The following SLCO2A1 variants were observed in gnomAD, a reference collection of about 807,000 sequenced individuals.
SLCO2A1 encodes solute carrier organic anion transporter family member 2A1.
A neutral mutation model predicts 71.7 loss-of-function variants in SLCO2A1; 60 were observed. The observed-to-expected ratio is 0.84, with a 90% CI of 0.68 to 1.04. The LOEUF (loss-of-function observed/expected upper bound fraction) is 1.04, where lower values mean the gene tolerates loss of function less well. SLCO2A1 is among the 50% of genes least tolerant of loss of function. SLCO2A1 has a pLI of 0.00. For synonymous variants in SLCO2A1, 308 were observed against 326.7 expected, an observed-to-expected ratio of 0.94 and a Z score of 0.62; for missense variants, 745 against 813.4, an observed-to-expected ratio of 0.92 and a Z score of 1.02.
At chr3:133,979,639 C>T (rs762693934) in intron 1 of SLCO2A1, 21 bp from the exon 2 acceptor site, 2 of 1,583,466 alleles carry the variant, frequency 1.3e-6, no homozygotes, top group Non-Finnish European at 1.7e-6. Context: ...AGTGATGGGC[C>T]CGTGAGGTTT....
intron 1 of SLCO2A1, among the ~76,000 whole-genome samples, chr3:134,016,001 A>C (rs1484679585): frequency 6.6e-6 from 1 of 152,154 alleles, no homozygotes; most frequent in East Asian, 1.9e-4. Flanking sequence ...AACAAACAAA[A>C]AAAACACCTT....
chr3:133,995,530 G>A (rs1934946550), intron 1 of SLCO2A1, among the ~76,000 whole-genome samples: 1 of 152,190 alleles, frequency 6.6e-6, no homozygotes, highest in Non-Finnish European at 1.5e-5. Flanking sequence ...ACTGCCTGGG[G>A]TGAGCTTCTA....
At chr3:134,027,554 A>G (rs1935723129) in intron 1 of SLCO2A1, among the ~76,000 whole-genome samples, 1 of 152,238 alleles carries the variant, frequency 6.6e-6, no homozygotes, top group Non-Finnish European at 1.5e-5. Flanking sequence ...CTCTTGAGAC[A>G]GCAGTCTTGC....
chr3:133,968,462 C>T (rs1016979987), intron 3 of SLCO2A1, among the ~76,000 whole-genome samples: 1 of 152,182 alleles, frequency 6.6e-6, no homozygotes, highest in Non-Finnish European at 1.5e-5. Context: ...GCCTTCCCAC[C>T]GCCTTCTTTC....
At chr3:133,996,535 G>A (rs370697085) in intron 1 of SLCO2A1, among the ~76,000 whole-genome samples, 5 of 152,182 alleles carry the variant, frequency 3.3e-5, no homozygotes, top group South Asian at 2.1e-4. Context: ...TTAGCCTCCC[G>A]CTGAACCTCA....
intron 1 of SLCO2A1, among the ~76,000 whole-genome samples, chr3:133,987,882 G>A (rs917673228): frequency 6.6e-6 from 1 of 152,216 alleles, no homozygotes; most frequent in African/African-American, 2.4e-5. Flanking sequence ...TCCCTAAATG[G>A]CAGCTATCTG....
intron 1 of SLCO2A1, among the ~76,000 whole-genome samples, chr3:133,991,091 C>A (rs1164940615): frequency 6.6e-6 from 1 of 151,616 alleles, no homozygotes; most frequent in East Asian, 1.9e-4. Context: ...GCCTGGGTGA[C>A]AGAGCAAGAC....
chr3:133,963,438 C>T (rs1371958613), intron 3 of SLCO2A1, among the ~76,000 whole-genome samples: 3 of 152,136 alleles, frequency 2.0e-5, no homozygotes, highest in Non-Finnish European at 4.4e-5. Context: ...AGGGAGGGGA[C>T]CCTAGAACGA....
intron 1 of SLCO2A1, among the ~76,000 whole-genome samples, chr3:134,016,804 G>A (rs4854600): frequency 0.03 from 4,639 of 152,204 alleles, 176 homozygotes; most frequent in Admixed American, 0.077. Flanking sequence ...ATAAGTGAAC[G>A]TTTAAACAAA....
At position 133,951,224 on chromosome 3, in the gene SLCO2A1, A is replaced by G. The variant is rs745870997; in HGVS notation, c.845T>C (p.Met282Thr). 2.5e-6 allele frequency: 4 copies of G among 1,614,082 alleles called. No individual in the cohort carries two copies. The highest frequency in any genetic ancestry group is 3.4e-6 in the Non-Finnish European group (4 of 1,180,014). Residue 282 changes from methionine to threonine, a missense_variant, in exon 6 of 14, where the codon ATG becomes ACG. Transcript: ENST00000310926. ...GAACCTTACCTTTGCTCCTATGGGC[A>G]TTGCTCGAGGGAAGAAAAAAAAGGG... ...SFPFFFFPRA[M>T]PIGAKRAPAT...
chr3:134,027,294 C>T (rs1430818787), intron 1 of SLCO2A1, among the ~76,000 whole-genome samples: 2 of 152,184 alleles, frequency 1.3e-5, no homozygotes, highest in Non-Finnish European at 2.9e-5. Context: ...AGCCCGGAGC[C>T]GCACCCTAGC....
rs370605655 is a variant in SLCO2A1 at position 133,960,037 on chromosome 3, G to A, written c.398-4844C>T. 3.9e-5 allele frequency among the ~76,000 whole-genome samples: 6 copies of A among 152,158 alleles called. No homozygotes were observed. The East Asian group carries it at 5.8e-4, about 15-fold the overall frequency. On this transcript the variant is annotated intron_variant, in intron 3 of 13. Transcript: ENST00000310926. Reference sequence around the variant, plus strand: ...CGGGAGGCTGAGGCAGGAGAATGGCGTGAACCCAGGAAGCGGAGCTTGCAG... The same window carrying A: ...CGGGAGGCTGAGGCAGGAGAATGGCATGAACCCAGGAAGCGGAGCTTGCAG...
chr3:133,987,585 C>T (rs1934745257), intron 1 of SLCO2A1, among the ~76,000 whole-genome samples: 1 of 152,182 alleles, frequency 6.6e-6, no homozygotes, highest in Non-Finnish European at 1.5e-5. Flanking sequence ...ATTGAAGTCT[C>T]CTGTCTCCCT....
intron 1 of SLCO2A1, among the ~76,000 whole-genome samples, chr3:133,984,542 C>G (rs943755934): frequency 6.6e-6 from 1 of 152,188 alleles, no homozygotes; most frequent in Admixed American, 6.5e-5. Flanking sequence ...AGGGTCACAG[C>G]CATCTGGCCC....
At chr3:133,985,091 C>T (rs116438678) in intron 1 of SLCO2A1, among the ~76,000 whole-genome samples, 4 of 152,194 alleles carry the variant, frequency 2.6e-5, no homozygotes, top group Non-Finnish European at 4.4e-5. Flanking sequence ...TTTAACTTCC[C>T]GGTTGCTTTC....
chr3:134,013,514 G>A (rs1000647065), intron 1 of SLCO2A1, among the ~76,000 whole-genome samples: 2 of 152,082 alleles, frequency 1.3e-5, no homozygotes, highest in East Asian at 1.9e-4. Context: ...CATGGGGCCC[G>A]GCCCAGGAAT....
intron 3 of SLCO2A1, among the ~76,000 whole-genome samples, chr3:133,970,617 G>T (rs1934301342): frequency 6.6e-6 from 1 of 152,222 alleles, no homozygotes; most frequent in Admixed American, 6.5e-5. Context: ...TCGCATGGAT[G>T]AGGTTCCTGG....
chr3:133,971,765 C>T (rs1395543506), intron 3 of SLCO2A1, among the ~76,000 whole-genome samples: 1 of 152,196 alleles, frequency 6.6e-6, no homozygotes. Flanking sequence ...AGGCCTCTCA[C>T]AAATGTCTAT....
At position 133,945,276 on chromosome 3, in the gene SLCO2A1, G is replaced by GA. The variant is rs775674329; in HGVS notation, c.1296-17dup. On this transcript the variant is annotated splice_polypyrimidine_tract_variant and intron_variant, in intron 9 of 13. Transcript: ENST00000310926. ...ACTTGATGTGCTGCCAGCAAAAGAGGAAACGGGGAATCAAACAAAGCAAGA... is the reference window on the plus strand; with the variant it reads ...ACTTGATGTGCTGCCAGCAAAAGAGGAAAACGGGGAATCAAACAAAGCAAGA... The GA allele has an allele frequency of 3.4e-5, 54 of 1,593,606 alleles. No homozygotes were observed. The highest frequency in any genetic ancestry group is 4.4e-5 in the Non-Finnish European group (52 of 1,172,176).
Sources: allele counts gnomAD v4.1 joint callset (sites outside exome capture counted in the v4.1 genomes callset), GRCh38; gene constraint gnomAD v4.1.1; transcripts MANE v1.5; gene names NCBI Gene and HGNC (gene_info 2026-07-23, HGNC 2026-07-21).